TRIP4: variants seen among roughly 807,000 people sequenced by gnomAD.
TRIP4 encodes activating signal cointegrator 1.
In TRIP4, 54 loss-of-function variants were observed where a neutral mutation model predicts 81.8. That is an observed-to-expected ratio of 0.66 (90% CI 0.53 to 0.83). TRIP4 has a LOEUF of 0.83. Among genes scored for constraint, TRIP4 ranks in the 40% least tolerant of loss-of-function variants. The pLI, the probability that TRIP4 is intolerant of heterozygous loss-of-function variation, is 0.00. For synonymous variants in TRIP4, 270 were observed against 242.8 expected (o/e 1.11, Z -1.04); for missense variants, 662 against 683.6 (o/e 0.97, Z 0.35).
Position 64,400,771 on chromosome 15 carries a change from T to C in TRIP4, c.647T>C (p.Leu216Ser). 1.2e-6 allele frequency: 2 copies of C among 1,614,144 alleles called. No individual in the cohort carries two copies. Among genetic ancestry groups the C allele is most frequent in the Non-Finnish European group, 1.7e-6 (2 of 1,180,002 alleles). ...TGTACTCATGAGGAACAAGATATTTTACAGCGTGACTCAAACAAGAGCCAG... is the reference window on the plus strand; with the variant it reads ...TGTACTCATGAGGAACAAGATATTTCACAGCGTGACTCAAACAAGAGCCAG... ...LVCTHEEQDI[L>S]QRDSNKSQKL... The change falls in exon 5 of 13, where the codon TTA becomes TCA. Residue 216 changes from leucine (L) to serine (S), a missense_variant. Leu to Ser is a moderately radical substitution (Grantham distance 145). Transcript: ENST00000261884.
intron 1 of TRIP4, among the ~76,000 whole-genome samples, chr15:64,389,438 C>G (rs1900050580): frequency 6.6e-6 from 1 of 151,852 alleles, no homozygotes. Context: ...TGGAGACCAC[C>G]CTGGGCAACA....
intron 3 of TRIP4, among the ~76,000 whole-genome samples, chr15:64,396,866 T>C (rs539005757): frequency 3.9e-5 from 6 of 152,346 alleles, no homozygotes; most frequent in African/African-American, 1.4e-4. Flanking sequence ...CTGCCAGCAG[T>C]GTATGAGAGG....
chr15:64,419,547 A>T (rs893670394), intron 9 of TRIP4, among the ~76,000 whole-genome samples: 23 of 150,982 alleles, frequency 1.5e-4, no homozygotes, highest in Non-Finnish European at 3.0e-4. Context: ...TTTAGTAGAG[A>T]CGGGGTTTCA....
intron 11 of TRIP4, among the ~76,000 whole-genome samples, chr15:64,437,650 G>A (rs1272644461): frequency 4.6e-5 from 7 of 151,722 alleles, no homozygotes; most frequent in South Asian, 2.1e-4. Flanking sequence ...ACGCCACCAC[G>A]TTTAGCTAAT....
intron 1 of TRIP4, among the ~76,000 whole-genome samples, chr15:64,391,099 A>G (rs753925909): frequency 2.8e-4 from 43 of 152,222 alleles, no homozygotes; most frequent in Non-Finnish European, 8.8e-5. Context: ...TAATGTACTA[A>G]CTTGAACAAT....
At chr15:64,425,877 A>G (rs1371895704) in intron 11 of TRIP4, among the ~76,000 whole-genome samples, 2 of 152,094 alleles carry the variant, frequency 1.3e-5, no homozygotes, top group Non-Finnish European at 2.9e-5. Context: ...AGGTCAGGAG[A>G]TCAAGACCAT....
intron 8 of TRIP4, among the ~76,000 whole-genome samples, chr15:64,416,656 A>G (rs994476045): frequency 1.3e-5 from 2 of 152,142 alleles, no homozygotes; most frequent in African/African-American, 4.8e-5. Flanking sequence ...CCTATTTAGT[A>G]TGTAGTCAAT....
intron 4 of TRIP4, among the ~76,000 whole-genome samples, chr15:64,398,456 T>C (rs1403370424): frequency 6.6e-6 from 1 of 150,896 alleles, no homozygotes; most frequent in African/African-American, 2.4e-5. Context: ...AAAAAGTTTT[T>C]AATTAGCTGG....
Position 64,425,645 on chromosome 15 carries a change from A to G in TRIP4, c.1575+14A>G. The G allele has an allele frequency of 5.7e-6, 9 of 1,588,690 alleles. No individual in the cohort carries two copies. Among genetic ancestry groups the G allele is most frequent in the Non-Finnish European group, 7.7e-6 (9 of 1,166,628 alleles). ...TTTAAGGAGCAGGTGAGTAAAGAAT[A>G]CTTTTTTTTTTTAGAGACAGGGTTT... On this transcript the variant is annotated intron_variant, in intron 11 of 12. Transcript: ENST00000261884.
At position 64,445,078 on chromosome 15, in the gene TRIP4, A is replaced by C. The variant is rs1187571173; in HGVS notation, c.1648A>C (p.Lys550Gln). ...CAAAAATCCTCAGGAAATGGTTGTG[A>C]AGTTTCCTATTAAAGGAAATCCAAA... is the stretch of plus-strand genomic sequence containing the variant. ...ICKNPQEMVVKFPIKGNPKIW... is the reference protein window; with the variant it reads ...ICKNPQEMVVQFPIKGNPKIW... Residue 550 changes from lysine (K) to glutamine (Q), a missense_variant, in exon 12 of 13, where the codon AAG becomes CAG. Physicochemically the swap from Lys to Gln is moderately conservative, Grantham distance 53. Transcript: ENST00000261884. 6.2e-7 allele frequency: 1 copy of C among 1,606,616 alleles called. No individual in the cohort carries two copies. Among genetic ancestry groups the C allele is most frequent in the Non-Finnish European group, 8.5e-7 (1 of 1,175,146 alleles).
intron 8 of TRIP4, 85 bp from the exon 9 acceptor site, chr15:64,418,456 C>G: frequency 7.4e-7 from 1 of 1,350,584 alleles, no homozygotes; most frequent in Non-Finnish European, 1.0e-6. Context: ...ATGATTTCCT[C>G]ATTATTAGCA....
Position 64,397,639 on chromosome 15 carries a change from A to G in TRIP4, c.439A>G (p.Thr147Ala). ...QENSNSVKKKTKFVNLYTREG... is the reference protein window; with the variant it reads ...QENSNSVKKKAKFVNLYTREG... ...GAACAGCAACTCCGTAAAGAAGAAG[A>G]CAAAGTTTGTCAATTTATACACAAG... is the stretch of plus-strand genomic sequence containing the variant. Residue 147 changes from threonine to alanine, a missense_variant, in exon 4 of 13, where the codon ACA becomes GCA. By Grantham distance (58) the Thr-to-Ala change is moderately conservative. Transcript: ENST00000261884. 6.2e-7 allele frequency: 1 copy of G among 1,613,688 alleles called. No homozygotes were observed. Among genetic ancestry groups the G allele is most frequent in the Non-Finnish European group, 8.5e-7 (1 of 1,179,558 alleles).
chr15:64,446,118 C>T (rs780371105), intron 12 of TRIP4, among the ~76,000 whole-genome samples: 4 of 151,542 alleles, frequency 2.6e-5, no homozygotes, highest in Non-Finnish European at 5.9e-5. Flanking sequence ...ACTGAAAATA[C>T]AAAAAATTAG....
At chr15:64,427,023 G>A (rs892738949) in intron 11 of TRIP4, among the ~76,000 whole-genome samples, 2 of 152,126 alleles carry the variant, frequency 1.3e-5, no homozygotes, top group Non-Finnish European at 1.5e-5. Context: ...AAAAAAGATT[G>A]AACTGATGTA....
At chr15:64,396,516 C>A (rs1361387356) in intron 3 of TRIP4, among the ~76,000 whole-genome samples, 1 of 152,090 alleles carries the variant, frequency 6.6e-6, no homozygotes, top group African/African-American at 2.4e-5. Flanking sequence ...TGACCTCAAG[C>A]AATCTGCCTG....
chr15:64,421,657 C>G (rs977608870), intron 9 of TRIP4, among the ~76,000 whole-genome samples: 4 of 152,102 alleles, frequency 2.6e-5, no homozygotes, highest in African/African-American at 9.7e-5. Context: ...TTTTCTATGT[C>G]TAGATGTATT....
intron 9 of TRIP4, among the ~76,000 whole-genome samples, chr15:64,423,457 G>C (rs1429795505): frequency 1.6e-5 from 1 of 62,388 alleles, no homozygotes; most frequent in South Asian, 6.1e-4. Flanking sequence ...GCGAGACTCC[G>C]TCTCAAAAAA....
chr15:64,421,883 A>C (rs138473137), intron 9 of TRIP4, among the ~76,000 whole-genome samples: 2,529 of 152,168 alleles, frequency 0.017, 65 homozygotes, highest in African/African-American at 0.058. Flanking sequence ...ATCTCTACTA[A>C]AAATAACAAA....
At chr15:64,424,754 T>G (rs1892100640) in intron 10 of TRIP4, among the ~76,000 whole-genome samples, 1 of 152,186 alleles carries the variant, frequency 6.6e-6, no homozygotes, top group African/African-American at 2.4e-5. Context: ...AATAAAAAGT[T>G]CATGCTTCCT....
Sources: gnomAD v4.1 joint callset for allele counts (sites outside exome capture counted in the v4.1 genomes callset) on GRCh38, gnomAD v4.1.1 for gene constraint, MANE v1.5 for transcripts, NCBI Gene and HGNC (gene_info 2026-07-23, HGNC 2026-07-21) for gene names.